The following AMBRA1 variants were observed in gnomAD, a reference collection of about 807,000 sequenced individuals.
AMBRA1 encodes the protein activating molecule in BECN1-regulated autophagy protein 1.
Under a neutral mutation model 125.4 loss-of-function variants are expected in AMBRA1, and 47 were observed. That is an observed-to-expected ratio of 0.37 (90% CI 0.30 to 0.48). AMBRA1 has a LOEUF of 0.48. Ranked by LOEUF, AMBRA1 falls within the 20% of genes least tolerant of loss-of-function variation. AMBRA1 has a pLI of 0.99. For synonymous variants in AMBRA1, 626 were observed against 655.5 expected (o/e 0.95, Z 0.69); for missense variants, 1,331 against 1,693.4 (o/e 0.79, Z 3.76).
chr11:46,573,425 A>C (rs2043838830), intron 1 of AMBRA1, among the ~76,000 whole-genome samples: 4 of 151,930 alleles, frequency 2.6e-5, no homozygotes, highest in Admixed American at 2.6e-4. Context: ...ACAAAAAAAA[A>C]AAAACTCAGT....
At chr11:46,555,386 T>C (rs1233380930) in intron 1 of AMBRA1, among the ~76,000 whole-genome samples, 2 of 152,206 alleles carry the variant, frequency 1.3e-5, no homozygotes, top group African/African-American at 4.8e-5. Flanking sequence ...ATACTTAACC[T>C]CTTTGAGGCT....
chr11:46,399,671 T>C (rs1190467694), intron 17 of AMBRA1, among the ~76,000 whole-genome samples: 5 of 152,234 alleles, frequency 3.3e-5, no homozygotes, highest in African/African-American at 1.2e-4. Flanking sequence ...GGTCAGAAGC[T>C]GAGAGTTTTA....
intron 15 of AMBRA1, among the ~76,000 whole-genome samples, chr11:46,411,131 A>C (rs1243247433): frequency 6.6e-6 from 1 of 151,382 alleles, no homozygotes; most frequent in Non-Finnish European, 1.5e-5. Flanking sequence ...AAAAAAAAAG[A>C]AAAGCAGAGG....
chr11:46,527,354 C>A (rs573683782), intron 7 of AMBRA1, among the ~76,000 whole-genome samples: 2 of 151,696 alleles, frequency 1.3e-5, no homozygotes, highest in South Asian at 4.2e-4. Context: ...GTGGCATGCA[C>A]CTGTAATCCC....
At chr11:46,525,378 G>GGT (rs1200877353) in intron 7 of AMBRA1, among the ~76,000 whole-genome samples, 3 of 152,038 alleles carry the variant, frequency 2.0e-5, no homozygotes, top group Non-Finnish European at 4.4e-5. Flanking sequence ...GATCACCTGA[G>GGT]GTCAGGAGTT....
chr11:46,583,679 A>C (rs1257291770), intron 1 of AMBRA1, among the ~76,000 whole-genome samples: 20 of 142,384 alleles, frequency 1.4e-4, no homozygotes, highest in South Asian at 4.4e-4. Flanking sequence ...AAAAAAAAAA[A>C]CAACAAAACA....
intron 1 of AMBRA1, among the ~76,000 whole-genome samples, chr11:46,584,922 A>T (rs2044312615): frequency 6.6e-6 from 1 of 152,078 alleles, no homozygotes; most frequent in South Asian, 2.1e-4. Context: ...AAATACAAAA[A>T]TTAGCTGGAT....
intron 7 of AMBRA1, among the ~76,000 whole-genome samples, chr11:46,517,779 C>G (rs1951565761): frequency 7.0e-6 from 1 of 143,148 alleles, no homozygotes; most frequent in African/African-American, 2.6e-5. Flanking sequence ...TGCAGTGAGC[C>G]AAGATCGCGC....
chr11:46,411,031 C>G (rs1045376095), intron 15 of AMBRA1, among the ~76,000 whole-genome samples: 4 of 142,536 alleles, frequency 2.8e-5, no homozygotes, highest in South Asian at 2.2e-4. Context: ...AACCAGGAGA[C>G]AGAGGTTGCA....
At chr11:46,521,018 T>C (rs1591020108) in intron 7 of AMBRA1, among the ~76,000 whole-genome samples, 1 of 152,134 alleles carries the variant, frequency 6.6e-6, no homozygotes, top group African/African-American at 2.4e-5. Context: ...TTTATCCCCA[T>C]CAAAACTCAC....
rs190489737 is a variant in AMBRA1, at chr11:46,506,227, G to A, written c.2339+1964C>T. 2.8e-4 allele frequency among the ~76,000 whole-genome samples: 43 copies of A among 152,306 alleles called. 1 individual carries two copies. Among genetic ancestry groups the A allele is most frequent in the Admixed American group, 2.8e-3 (43 of 15,306 alleles). ...GGGAGAAGGAACAAGCTGACAGTCA[G>A]AAGGTAGCTCTGCTCTTCTCCTGCA... On this transcript the variant is annotated intron_variant, in intron 9 of 17. Transcript: ENST00000683756.
Position 46,568,458 on chromosome 11 carries a change from C to CA in AMBRA1, c.-120-19959dup, listed in dbSNP as rs1222882633. 2.6e-4 allele frequency among the ~76,000 whole-genome samples: 39 copies of CA among 149,770 alleles called. No individual in the cohort carries two copies. In the East Asian group the frequency reaches 5.7e-3, roughly 22 times the overall value. ...GGGTGACAAGAGAGAAACTCAAAAA[C>CA]AAAAAACAAAAAACAAAAAACAAAA... On this transcript the variant is annotated intron_variant, in intron 1 of 17. Coordinates refer to ENST00000683756, the MANE Select transcript of AMBRA1 (RefSeq NM_001387011.1).
chr11:46,592,957 TGTAGACAACAAGGTTATCAGGAAACAAA>T (rs1366181497), intron 1 of AMBRA1, among the ~76,000 whole-genome samples: 1,761 of 151,684 alleles, frequency 0.012, 42 homozygotes, highest in African/African-American at 0.04. Flanking sequence ...CAGGAAACAA[TGTAGACAACAAGGTTATCAGGAAACAAA>T]GTAGACAACA....
In AMBRA1 at chr11:46,424,572, C is replaced by T. The variant is rs375237098; in HGVS notation, c.2977-6520G>A. ...ATTCCCAGAAATTATACTCGCTGGGCGTGATGGCTCCTGCCTGTAGTCCCA... is the reference window on the plus strand; with the variant it reads ...ATTCCCAGAAATTATACTCGCTGGGTGTGATGGCTCCTGCCTGTAGTCCCA... On this transcript the variant is annotated intron_variant, in intron 14 of 17. Coordinates refer to ENST00000683756, the MANE Select transcript of AMBRA1 (RefSeq NM_001387011.1). 4.1e-4 allele frequency among the ~76,000 whole-genome samples: 62 copies of T among 152,330 alleles called. No individual in the cohort carries two copies. In the South Asian group the frequency reaches 0.012, roughly 30 times the overall value.
intron 7 of AMBRA1, among the ~76,000 whole-genome samples, chr11:46,536,940 A>C (rs953988169): frequency 3.9e-5 from 6 of 152,186 alleles, no homozygotes; most frequent in Non-Finnish European, 7.3e-5. Flanking sequence ...CTTACTAAAT[A>C]CTCCAGACCC....
intron 11 of AMBRA1, among the ~76,000 whole-genome samples, chr11:46,453,369 A>C (rs967563562): frequency 3.9e-5 from 6 of 151,990 alleles, no homozygotes; most frequent in East Asian, 1.9e-4. Context: ...GGGCTCAAGC[A>C]ATCCACCCAC....
intron 1 of AMBRA1, among the ~76,000 whole-genome samples, chr11:46,569,158 T>G (rs2043655495): frequency 6.7e-6 from 1 of 149,260 alleles, no homozygotes; most frequent in South Asian, 2.1e-4. Context: ...TACAAACATG[T>G]ATGCATATAA....
chr11:46,551,477 C>T (rs971560545), intron 1 of AMBRA1, among the ~76,000 whole-genome samples: 1 of 152,104 alleles, frequency 6.6e-6, no homozygotes, highest in Non-Finnish European at 1.5e-5. Context: ...GATGGGGTCT[C>T]GCTATGTTGC....
At chr11:46,489,309 T>C (rs1466957504) in intron 11 of AMBRA1, among the ~76,000 whole-genome samples, 1 of 152,102 alleles carries the variant, frequency 6.6e-6, no homozygotes, top group Non-Finnish European at 1.5e-5. Context: ...CATGCCTGGC[T>C]AATTTTTTGT....
Sources: gnomAD v4.1 joint callset for allele counts (sites outside exome capture counted in the v4.1 genomes callset) on GRCh38, gnomAD v4.1.1 for gene constraint, MANE v1.5 for transcripts, NCBI Gene and HGNC (gene_info 2026-07-23, HGNC 2026-07-21) for gene names.